Variants in CLDN10 observed in about 807,000 individuals in gnomAD.
CLDN10 encodes claudin 10.
Under a neutral mutation model 22.9 loss-of-function variants are expected in CLDN10, and 15 were observed. That is an observed-to-expected ratio of 0.65 (90% CI 0.44 to 1.01). The LOEUF is 1.01. Among genes scored for constraint, CLDN10 ranks in the 50% least tolerant of loss-of-function variants. The pLI is 0.00. For synonymous variants in CLDN10, 114 were observed against 111.4 expected (o/e 1.02, Z -0.15); for missense variants, 247 against 287.8 (o/e 0.86, Z 1.03).
At chr13:95,514,128 C>T (rs1018783410) in intron 1 of CLDN10, among the ~76,000 whole-genome samples, 3 of 152,084 alleles carry the variant, frequency 2.0e-5, no homozygotes, top group Non-Finnish European at 4.4e-5. Flanking sequence ...CATGGTGGTG[C>T]ATGCCTGTAA....
chr13:95,442,898 G>A (rs77164654), intron 1 of CLDN10, among the ~76,000 whole-genome samples: 2 of 152,246 alleles, frequency 1.3e-5, no homozygotes, highest in Admixed American at 1.3e-4. Context: ...AATGTAAAAC[G>A]CTTTACATCA....
intron 3 of CLDN10, among the ~76,000 whole-genome samples, chr13:95,568,989 C>T (rs1363511812): frequency 3.3e-5 from 5 of 151,966 alleles, no homozygotes; most frequent in Admixed American, 6.6e-5. Flanking sequence ...GCCCTTCATC[C>T]GTAGAATGAG....
chr13:95,518,691 G>A (rs1350732927), intron 1 of CLDN10, among the ~76,000 whole-genome samples: 5 of 152,090 alleles, frequency 3.3e-5, no homozygotes, highest in Admixed American at 2.6e-4. Flanking sequence ...CCTGGGAAAC[G>A]GAGGTTGCAG....
At position 95,579,738 on chromosome 13, in the gene CLDN10, T is replaced by G. The variant is rs1331914292; in HGVS notation, c.*1724T>G. ...AACAAGTTTGTTAAAAGATAAAAAATAAAAAAAATTCCATACCTTGATAAT... is the reference window on the plus strand; with the variant it reads ...AACAAGTTTGTTAAAAGATAAAAAAGAAAAAAAATTCCATACCTTGATAAT... On this transcript the variant is annotated 3_prime_UTR_variant, in exon 5 of 5. Transcript: ENST00000299339. The G allele has an allele frequency of 6.6e-6, 1 of 151,914 alleles. No individual in the cohort carries two copies. The highest frequency in any genetic ancestry group is 1.5e-5 in the Non-Finnish European group (1 of 67,950). 9.4% of individuals were successfully genotyped at this position (151,914 alleles called of 1,614,324 possible).
chr13:95,517,122 C>T (rs1256712048), intron 1 of CLDN10, among the ~76,000 whole-genome samples: 1 of 148,126 alleles, frequency 6.8e-6, no homozygotes, highest in Non-Finnish European at 1.5e-5. Context: ...CTTCCTTTCT[C>T]TTTCTTTCTC....
exon 1 of CLDN10, chr13:95,434,008 T>C: frequency 6.2e-7 from 1 of 1,614,226 alleles, no homozygotes; most frequent in Non-Finnish European, 8.5e-7. Context: ...GTTGGGTTCT[T>C]TCCATTGCCG....
intron 1 of CLDN10, among the ~76,000 whole-genome samples, chr13:95,487,598 TAAACTCTCAC>T (rs1435338251): frequency 1.3e-5 from 2 of 152,234 alleles, no homozygotes; most frequent in Non-Finnish European, 2.9e-5. Context: ...GAGAAGAGTA[TAAACTCTCAC>T]ATACTTCATG....
chr13:95,510,472 G>T (rs1227564767), intron 1 of CLDN10, among the ~76,000 whole-genome samples: 1 of 152,162 alleles, frequency 6.6e-6, no homozygotes, highest in African/African-American at 2.4e-5. Flanking sequence ...ATCAATTAGA[G>T]ACTGTTTGTT....
At chr13:95,524,691 A>G (rs1378466127) in intron 1 of CLDN10, among the ~76,000 whole-genome samples, 1 of 152,176 alleles carries the variant, frequency 6.6e-6, no homozygotes, top group Non-Finnish European at 1.5e-5. Context: ...ATAATTGCTG[A>G]GTCATATAGT....
rs113108501 is a variant in CLDN10 at position 95,553,079 on chromosome 13, C to T, written c.220+106C>T. On this transcript the variant is annotated intron_variant, in intron 1 of 4. Coordinates refer to ENST00000299339, the MANE Select transcript of CLDN10 (RefSeq NM_006984.5). ...CCCAGCGGGACCCCTAGACTGGACT[C>T]CTCTGAGGCCCGACCCGTCTCTCCC... The T allele has an allele frequency of 0.15, 219,210 of 1,430,694 alleles. 18,864 individuals are homozygous for T. The highest frequency in any genetic ancestry group is 0.25 in the Admixed American group (11,879 of 48,260). The allele number at this position is 1,430,694 out of a possible 1,614,324, so 88.6% of individuals were successfully genotyped here.
At chr13:95,512,132 G>GTTTTTTTTTTTTTTTTTTTTTTTTTTTTT (rs1408615781) in intron 1 of CLDN10, among the ~76,000 whole-genome samples, 1 of 10,254 alleles carries the variant, frequency 9.8e-5, no homozygotes, top group African/African-American at 2.2e-4. Flanking sequence ...TTTTTTTTTG[G>GTTTTTTTTTTTTTTTTTTTTTTTTTTTTT]TTTTTGTTTG....
At chr13:95,455,570 C>A (rs2042474858) in intron 1 of CLDN10, among the ~76,000 whole-genome samples, 1 of 152,158 alleles carries the variant, frequency 6.6e-6, no homozygotes, top group Admixed American at 6.5e-5. Flanking sequence ...AATAAGGGTT[C>A]TGTAAGTTCA....
chr13:95,452,221 A>C, intron 1 of CLDN10, among the ~76,000 whole-genome samples: 1 of 152,168 alleles, frequency 6.6e-6, no homozygotes, highest in East Asian at 1.9e-4. Flanking sequence ...GTTTTCCTTC[A>C]TTCTATGATC....
chr13:95,441,516 T>C (rs948818522), intron 1 of CLDN10, among the ~76,000 whole-genome samples: 2 of 152,152 alleles, frequency 1.3e-5, no homozygotes, highest in Non-Finnish European at 2.9e-5. Context: ...GCTGGGATTA[T>C]AAGCATGAGC....
chr13:95,459,662 A>G (rs1463715043), intron 1 of CLDN10, among the ~76,000 whole-genome samples: 1 of 152,120 alleles, frequency 6.6e-6, no homozygotes, highest in Non-Finnish European at 1.5e-5. Context: ...TTTTCCTCCT[A>G]GGCCTCCAGG....
chr13:95,456,946 C>G (rs1206818301), intron 1 of CLDN10, among the ~76,000 whole-genome samples: 1 of 152,120 alleles, frequency 6.6e-6, no homozygotes, highest in African/African-American at 2.4e-5. Context: ...AAAGATGGAG[C>G]TGATATGTAC....
At chr13:95,460,329 T>A (rs2042523482) in intron 1 of CLDN10, among the ~76,000 whole-genome samples, 1 of 152,160 alleles carries the variant, frequency 6.6e-6, no homozygotes, top group Admixed American at 6.5e-5. Flanking sequence ...AGCAACATAC[T>A]CTCTGTGGTA....
chr13:95,568,898 G>C (rs527828758), intron 3 of CLDN10, among the ~76,000 whole-genome samples: 1 of 152,210 alleles, frequency 6.6e-6, no homozygotes, highest in South Asian at 2.1e-4. Flanking sequence ...CTGGATCCAG[G>C]CTGCCTGAGA....
intron 1 of CLDN10, among the ~76,000 whole-genome samples, chr13:95,499,888 A>C (rs1197551927): frequency 2.0e-5 from 3 of 152,198 alleles, no homozygotes; most frequent in Non-Finnish European, 4.4e-5. Flanking sequence ...GCCACACATA[A>C]AATACATGAA....
Sources: allele counts gnomAD v4.1 joint callset (sites outside exome capture counted in the v4.1 genomes callset), GRCh38; gene constraint gnomAD v4.1.1; transcripts MANE v1.5; gene names NCBI Gene and HGNC (gene_info 2026-07-23, HGNC 2026-07-21).